Variants in SPECC1 observed in about 807,000 individuals in gnomAD.
SPECC1 encodes the protein cytospin-B.
A neutral mutation model predicts 104.1 loss-of-function variants in SPECC1; 62 were observed. The observed-to-expected ratio is 0.60, with a 90% CI of 0.49 to 0.74. The LOEUF is 0.74. Ranked by LOEUF, SPECC1 falls within the 30% of genes least tolerant of loss-of-function variation. The pLI, the probability that SPECC1 is intolerant of heterozygous loss-of-function variation, is 0.00. For synonymous variants in SPECC1, 513 were observed against 501.6 expected (o/e 1.02, Z -0.30); for missense variants, 1,306 against 1,310.5 (o/e 1.00, Z 0.05).
intron 12 of SPECC1, among the ~76,000 whole-genome samples, chr17:20,264,284 G>T (rs1049403643): frequency 6.6e-6 from 1 of 151,868 alleles, no homozygotes; most frequent in Non-Finnish European, 1.5e-5. Flanking sequence ...GGGCAGGTTT[G>T]TTACAAGGGT....
At chr17:20,105,258 T>G (rs984933605) in intron 2 of SPECC1, among the ~76,000 whole-genome samples, 1 of 152,176 alleles carries the variant, frequency 6.6e-6, no homozygotes, top group African/African-American at 2.4e-5. Context: ...CCCCACTAAT[T>G]TTTAAAAAAG....
intron 1 of SPECC1, among the ~76,000 whole-genome samples, chr17:20,034,520 C>G (rs1315250022): frequency 6.6e-6 from 1 of 152,032 alleles, no homozygotes; most frequent in Non-Finnish European, 1.5e-5. Flanking sequence ...CATGAGCCAC[C>G]ACGACTGGCC....
chr17:20,086,854 G>T (rs2047198626), intron 1 of SPECC1, among the ~76,000 whole-genome samples: 1 of 152,314 alleles, frequency 6.6e-6, no homozygotes, highest in Middle Eastern at 3.4e-3. Flanking sequence ...CAGAGGTTTT[G>T]CTGGGTGGGT....
At chr17:20,217,099 G>A (rs919188768) in intron 4 of SPECC1, among the ~76,000 whole-genome samples, 1 of 152,244 alleles carries the variant, frequency 6.6e-6, no homozygotes, top group Non-Finnish European at 1.5e-5. Flanking sequence ...GTAGGCTTTG[G>A]TCTCAGCCAC....
chr17:20,304,928 G>A (rs898086450), intron 13 of SPECC1, among the ~76,000 whole-genome samples: 11 of 151,972 alleles, frequency 7.2e-5, no homozygotes, highest in African/African-American at 2.4e-4. Flanking sequence ...CAGATGAGAA[G>A]GAGGCACAAA....
chr17:20,149,209 G>A (rs1486322572), intron 3 of SPECC1, among the ~76,000 whole-genome samples: 1 of 152,188 alleles, frequency 6.6e-6, no homozygotes, highest in Non-Finnish European at 1.5e-5. Flanking sequence ...GCAACGTGCA[G>A]TTGTTAAGAA....
chr17:20,055,175 C>T (rs962875866), intron 1 of SPECC1, among the ~76,000 whole-genome samples: 4 of 151,992 alleles, frequency 2.6e-5, no homozygotes, highest in Non-Finnish European at 5.9e-5. Context: ...TAAGTGGAGT[C>T]GTGCAGTATT....
intron 12 of SPECC1, among the ~76,000 whole-genome samples, chr17:20,277,000 C>A (rs1356319298): frequency 2.0e-5 from 3 of 152,192 alleles, no homozygotes; most frequent in Non-Finnish European, 4.4e-5. Context: ...TACCTGGGAA[C>A]AAGAAGGACT....
At chr17:20,153,702 C>T (rs577700596) in intron 3 of SPECC1, among the ~76,000 whole-genome samples, 1 of 152,196 alleles carries the variant, frequency 6.6e-6, no homozygotes, top group Non-Finnish European at 1.5e-5. Flanking sequence ...AATTACTTGA[C>T]ATTTTACAGA....
intron 3 of SPECC1, among the ~76,000 whole-genome samples, chr17:20,111,167 A>G (rs2048471700): frequency 6.6e-6 from 1 of 152,220 alleles, no homozygotes; most frequent in African/African-American, 2.4e-5. Context: ...CTTTGTGCAT[A>G]TAGATAATAA....
chr17:20,233,774 A>C (rs2038743702), intron 7 of SPECC1, among the ~76,000 whole-genome samples: 1 of 152,236 alleles, frequency 6.6e-6, no homozygotes, highest in African/African-American at 2.4e-5. Context: ...TCCCTACTGA[A>C]ACAGTAGTGA....
chr17:20,302,281 T>A, intron 13 of SPECC1, among the ~76,000 whole-genome samples: 1 of 152,156 alleles, frequency 6.6e-6, no homozygotes, highest in Non-Finnish European at 1.5e-5. Flanking sequence ...GTCCTGGAAC[T>A]GGAAGGTCCC....
intron 7 of SPECC1, among the ~76,000 whole-genome samples, chr17:20,240,289 T>A (rs2039144201): frequency 6.6e-6 from 1 of 151,882 alleles, no homozygotes; most frequent in African/African-American, 2.4e-5. Context: ...TTTTGCAACT[T>A]TTCCCTGCTT....
chr17:20,242,596 G>A (rs1272807790), intron 7 of SPECC1, among the ~76,000 whole-genome samples: 1 of 152,170 alleles, frequency 6.6e-6, no homozygotes, highest in South Asian at 2.1e-4. Flanking sequence ...AAATAACTTG[G>A]TAGTATTTTT....
At chr17:20,024,884 A>C (rs756122651) in intron 1 of SPECC1, among the ~76,000 whole-genome samples, 21 of 152,162 alleles carry the variant, frequency 1.4e-4, no homozygotes, top group Middle Eastern at 3.4e-3. Context: ...CCTGCCCTAA[A>C]CCTTGTAATT....
intron 3 of SPECC1, among the ~76,000 whole-genome samples, chr17:20,124,095 C>T (rs2049167764): frequency 6.6e-6 from 1 of 151,924 alleles, no homozygotes; most frequent in Non-Finnish European, 1.5e-5. Flanking sequence ...TTCTTGGATG[C>T]CACAGAAGGA....
At chr17:20,228,007 A>G (rs1023956537) in intron 5 of SPECC1, among the ~76,000 whole-genome samples, 4 of 152,086 alleles carry the variant, frequency 2.6e-5, no homozygotes, top group Admixed American at 2.6e-4. Flanking sequence ...GGGTTTATGA[A>G]GTCTCTCATT....
intron 7 of SPECC1, among the ~76,000 whole-genome samples, chr17:20,234,375 C>G (rs2038782238): frequency 6.6e-6 from 1 of 152,200 alleles, no homozygotes; most frequent in African/African-American, 2.4e-5. Context: ...GCCGGAGATG[C>G]TGGTTTCTTG....
At position 20,243,679 on chromosome 17, in the gene SPECC1, T is replaced by A. The variant is rs551381844; in HGVS notation, c.2352-2247T>A. ...TATTGTTCTGGCCAAGTAGACTTAG[T>A]GTTTGAAATACCATCTTTGGATACC... is the stretch of plus-strand genomic sequence containing the variant. On this transcript the variant is annotated intron_variant, in intron 7 of 14. Coordinates refer to ENST00000395527, the MANE Select transcript of SPECC1 (RefSeq NM_001243439.2). 4.6e-5 allele frequency among the ~76,000 whole-genome samples: 7 copies of A among 151,520 alleles called. No individual in the cohort carries two copies. The South Asian group carries it at 6.2e-4, about 13-fold the overall frequency.
Sources: gnomAD v4.1 joint callset for allele counts (sites outside exome capture counted in the v4.1 genomes callset) on GRCh38, gnomAD v4.1.1 for gene constraint, MANE v1.5 for transcripts, NCBI Gene and HGNC (gene_info 2026-07-23, HGNC 2026-07-21) for gene names.